The following DYM variants were observed in gnomAD, a reference collection of about 807,000 sequenced individuals.
DYM encodes the protein dymeclin.
Under a neutral mutation model 93.1 loss-of-function variants are expected in DYM, and 78 were observed. That is an observed-to-expected ratio of 0.84 (90% CI 0.70 to 1.01). The LOEUF (loss-of-function observed/expected upper bound fraction) is 1.01, where lower values mean the gene tolerates loss of function less well. DYM is among the 50% of genes least tolerant of loss of function. The pLI, the probability that DYM is intolerant of heterozygous loss-of-function variation, is 0.00. For missense variants in DYM, 789 were observed against 845.0 expected (o/e 0.93, Z 0.82); for synonymous variants, 321 against 319.7 (o/e 1.00, Z -0.04).
intron 17 of DYM, among the ~76,000 whole-genome samples, chr18:49,072,299 A>T (rs1287554950): frequency 6.6e-6 from 1 of 152,242 alleles, no homozygotes; most frequent in African/African-American, 2.4e-5. Flanking sequence ...GATTCGTGTC[A>T]TGTTTAAAGG....
At chr18:49,442,487 G>A (rs566283588) in intron 1 of DYM, among the ~76,000 whole-genome samples, 1 of 152,160 alleles carries the variant, frequency 6.6e-6, no homozygotes, top group Admixed American at 6.5e-5. Context: ...AGAGGTCAAG[G>A]CTGCAATGAG....
rs184232024 is a variant in DYM at position 49,091,397 on chromosome 18, G to A, written c.2025+6005C>T. ...CCTGGAAGGTCGGGCAGGCATGATGGAGAGAGAGATTTCATTTGCTCATGA... is the reference window on the plus strand; with the variant it reads ...CCTGGAAGGTCGGGCAGGCATGATGAAGAGAGAGATTTCATTTGCTCATGA... On this transcript the variant is annotated intron_variant, in intron 17 of 17. Transcript: ENST00000675505. 5.4e-4 allele frequency among the ~76,000 whole-genome samples: 82 copies of A among 152,308 alleles called. 1 individual carries two copies. The highest frequency in any genetic ancestry group is 3.8e-3 in the Admixed American group (58 of 15,296).
intron 13 of DYM, among the ~76,000 whole-genome samples, chr18:49,233,839 A>G (rs1318462390): frequency 1.2e-4 from 18 of 152,160 alleles, no homozygotes. Context: ...ATTAAGAGTT[A>G]GTGCTGGCCG....
At chr18:49,257,683 T>A (rs1435895806) in intron 12 of DYM, among the ~76,000 whole-genome samples, 25 of 146,094 alleles carry the variant, frequency 1.7e-4, no homozygotes, top group Non-Finnish European at 3.3e-4. Flanking sequence ...TTTGGCTATT[T>A]AAAAAAAAAA....
intron 17 of DYM, among the ~76,000 whole-genome samples, chr18:49,078,738 A>AGAAG (rs2077528555): frequency 6.6e-6 from 1 of 152,238 alleles, no homozygotes; most frequent in South Asian, 2.1e-4. Context: ...GAGGAAGGGA[A>AGAAG]GAAGGCAAAG....
At chr18:49,446,458 A>G (rs921939663) in intron 1 of DYM, among the ~76,000 whole-genome samples, 2 of 152,354 alleles carry the variant, frequency 1.3e-5, no homozygotes, top group African/African-American at 4.8e-5. Context: ...GAGCTTTACT[A>G]TTTCATAATC....
At chr18:49,231,103 C>G (rs1401628729) in intron 13 of DYM, among the ~76,000 whole-genome samples, 1 of 152,178 alleles carries the variant, frequency 6.6e-6, no homozygotes, top group Non-Finnish European at 1.5e-5. Flanking sequence ...TTGAGAAGTT[C>G]AAAGAACCTT....
chr18:49,244,225 C>T (rs1568090770), intron 13 of DYM, among the ~76,000 whole-genome samples: 1 of 152,206 alleles, frequency 6.6e-6, no homozygotes, highest in Non-Finnish European at 1.5e-5. Flanking sequence ...GAAATCCTCA[C>T]TTAACTGGTT....
intron 2 of DYM, among the ~76,000 whole-genome samples, chr18:49,405,842 T>A (rs2071432150): frequency 6.6e-6 from 1 of 152,232 alleles, no homozygotes; most frequent in Non-Finnish European, 1.5e-5. Context: ...CAATGTCAAT[T>A]CTTCCCATCC....
intron 14 of DYM, among the ~76,000 whole-genome samples, chr18:49,172,685 C>G (rs1387200567): frequency 2.6e-5 from 4 of 151,992 alleles, no homozygotes; most frequent in African/African-American, 9.6e-5. Flanking sequence ...ACATTTTCTC[C>G]CAGTCTATGG....
At chr18:49,139,238 GC>G (rs1258729928) in intron 15 of DYM, among the ~76,000 whole-genome samples, 1 of 152,068 alleles carries the variant, frequency 6.6e-6, no homozygotes, top group African/African-American at 2.4e-5. Flanking sequence ...AAAAAGAGCA[GC>G]CCTCTGATCC....
intron 15 of DYM, among the ~76,000 whole-genome samples, chr18:49,122,469 A>G (rs2082466684): frequency 6.6e-6 from 1 of 152,218 alleles, no homozygotes; most frequent in Non-Finnish European, 1.5e-5. Context: ...TCTGGGTTGC[A>G]CACTCCTTAC....
chr18:49,435,417 A>C (rs1397374288), intron 1 of DYM, among the ~76,000 whole-genome samples: 1 of 93,496 alleles, frequency 1.1e-5, no homozygotes, highest in African/African-American at 4.7e-5. Flanking sequence ...GTAAACACTA[A>C]AACAGTAAAA....
intron 17 of DYM, among the ~76,000 whole-genome samples, chr18:49,088,840 G>C (rs1484082736): frequency 6.6e-6 from 1 of 152,176 alleles, no homozygotes; most frequent in Non-Finnish European, 1.5e-5. Context: ...CACCCAGGGT[G>C]GAGTACAGTG....
chr18:49,269,245 C>G (rs2094629006), intron 11 of DYM, among the ~76,000 whole-genome samples: 1 of 151,958 alleles, frequency 6.6e-6, no homozygotes, highest in African/African-American at 2.4e-5. Flanking sequence ...GATAATTAAT[C>G]AGGGAAATGC....
intron 8 of DYM, among the ~76,000 whole-genome samples, chr18:49,289,493 G>A (rs1483890378): frequency 1.4e-5 from 2 of 144,118 alleles, no homozygotes. Context: ...CTTCAGCCCA[G>A]AAGTTGAAGA....
chr18:49,191,760 T>C (rs1239877095), intron 14 of DYM, among the ~76,000 whole-genome samples: 2 of 152,136 alleles, frequency 1.3e-5, no homozygotes. Flanking sequence ...AGACATCAAA[T>C]AATATTAAAT....
intron 14 of DYM, among the ~76,000 whole-genome samples, chr18:49,171,486 G>T (rs1379604531): frequency 6.6e-6 from 1 of 152,066 alleles, no homozygotes; most frequent in Non-Finnish European, 1.5e-5. Flanking sequence ...AGAGAGTTAG[G>T]TGCTTGACCC....
intron 14 of DYM, among the ~76,000 whole-genome samples, chr18:49,172,539 C>T (rs115616222): frequency 1.8e-3 from 272 of 152,222 alleles, no homozygotes; most frequent in African/African-American, 6.1e-3. Flanking sequence ...TTCTAGTGCT[C>T]ATATGTTGTC....
Sources: allele counts gnomAD v4.1 joint callset (sites outside exome capture counted in the v4.1 genomes callset), GRCh38; gene constraint gnomAD v4.1.1; transcripts MANE v1.5; gene names NCBI Gene and HGNC (gene_info 2026-07-23, HGNC 2026-07-21).